Variants in RBMS1 observed in about 807,000 individuals in gnomAD.
RBMS1 encodes the protein RNA-binding motif, single-stranded-interacting protein 1.
Under a neutral mutation model 62.3 loss-of-function variants are expected in RBMS1, and 17 were observed. The ratio of observed to expected loss-of-function variants is 0.27; its 90% CI spans 0.19 to 0.41. The LOEUF (loss-of-function observed/expected upper bound fraction) is 0.41, where lower values mean the gene tolerates loss of function less well. RBMS1 is among the 10% of genes least tolerant of loss of function. The pLI, the probability that RBMS1 is intolerant of heterozygous loss-of-function variation, is 1.00. For missense variants in RBMS1, 334 were observed against 504.5 expected (o/e 0.66, Z 3.24); for synonymous variants, 172 against 170.0 (o/e 1.01, Z -0.09).
intron 1 of RBMS1, among the ~76,000 whole-genome samples, chr2:160,489,518 G>A (rs1419549017): frequency 6.6e-6 from 1 of 152,108 alleles, no homozygotes; most frequent in Admixed American, 6.5e-5. Flanking sequence ...AAGTAAGTAA[G>A]AGTTAAGGAA....
intron 10 of RBMS1, 87 bp from the exon 11 acceptor site, chr2:160,278,745 AGTTT>A (rs1687961851): frequency 3.8e-6 from 3 of 795,314 alleles, no homozygotes; most frequent in Non-Finnish European, 6.0e-6. Flanking sequence ...GAAATACCTT[AGTTT>A]GTTTAAGAAT....
intron 4 of RBMS1, among the ~76,000 whole-genome samples, chr2:160,311,827 T>A (rs1387684204): frequency 6.6e-6 from 1 of 152,206 alleles, no homozygotes; most frequent in Non-Finnish European, 1.5e-5. Context: ...TTTTAAAAAA[T>A]TTAATTAATT....
intron 2 of RBMS1, among the ~76,000 whole-genome samples, chr2:160,334,560 A>C (rs1468637990): frequency 6.6e-6 from 1 of 152,176 alleles, no homozygotes; most frequent in African/African-American, 2.4e-5. Context: ...GGTCCTCAGT[A>C]ACGAGTCTGA....
intron 1 of RBMS1, among the ~76,000 whole-genome samples, chr2:160,415,368 CTG>C (rs762716319): frequency 9.2e-5 from 14 of 151,916 alleles, no homozygotes; most frequent in Admixed American, 2.6e-4. Flanking sequence ...TGTGAGCAAA[CTG>C]TGGGTAAAAG....
chr2:160,438,261 C>CTT (rs67789291), intron 1 of RBMS1, among the ~76,000 whole-genome samples: 4 of 91,004 alleles, frequency 4.4e-5, no homozygotes, highest in Non-Finnish European at 7.5e-5. Context: ...TCAATACTTT[C>CTT]TTTTTTTTTT....
intron 1 of RBMS1, among the ~76,000 whole-genome samples, chr2:160,383,266 G>C (rs573806860): frequency 3.3e-5 from 5 of 152,108 alleles, no homozygotes; most frequent in Non-Finnish European, 5.9e-5. Context: ...TGTGACGGCA[G>C]AATACCAATA....
intron 1 of RBMS1, among the ~76,000 whole-genome samples, chr2:160,392,398 A>G (rs976993591): frequency 6.6e-6 from 1 of 151,906 alleles, no homozygotes; most frequent in African/African-American, 2.4e-5. Flanking sequence ...GGCAGTGCTG[A>G]GTAATTGTGA....
At chr2:160,323,797 T>A (rs114643455) in intron 2 of RBMS1, among the ~76,000 whole-genome samples, 1 of 152,076 alleles carries the variant, frequency 6.6e-6, no homozygotes, top group African/African-American at 2.4e-5. Context: ...CATGACTATA[T>A]AATAATATGA....
intron 7 of RBMS1, among the ~76,000 whole-genome samples, chr2:160,286,347 T>G: frequency 1.4e-5 from 2 of 142,044 alleles, no homozygotes; most frequent in African/African-American, 5.3e-5. Context: ...TGAGATGGAG[T>G]CTCGCTCTGT....
chr2:160,386,822 T>C (rs1281604169), intron 1 of RBMS1, among the ~76,000 whole-genome samples: 1 of 152,232 alleles, frequency 6.6e-6, no homozygotes, highest in Non-Finnish European at 1.5e-5. Flanking sequence ...TAGAGCGGCC[T>C]GAACTAAGAC....
At chr2:160,377,770 A>G (rs1694077466) in intron 1 of RBMS1, among the ~76,000 whole-genome samples, 1 of 152,164 alleles carries the variant, frequency 6.6e-6, no homozygotes, top group South Asian at 2.1e-4. Flanking sequence ...CTTGGCTTTG[A>G]AAATGCTGAG....
chr2:160,435,440 C>G (rs887906595), intron 1 of RBMS1, among the ~76,000 whole-genome samples: 4 of 152,204 alleles, frequency 2.6e-5, no homozygotes, highest in African/African-American at 9.6e-5. Flanking sequence ...GTGACCCGAA[C>G]ATCAGTCCTC....
intron 6 of RBMS1, among the ~76,000 whole-genome samples, chr2:160,297,612 A>G (rs1689006580): frequency 1.3e-5 from 2 of 152,240 alleles, no homozygotes; most frequent in African/African-American, 4.8e-5. Flanking sequence ...CCTCAAGGTG[A>G]TGATCTGCAG....
intron 1 of RBMS1, among the ~76,000 whole-genome samples, chr2:160,492,430 G>A (rs1309977043): frequency 1.3e-5 from 2 of 152,170 alleles, no homozygotes; most frequent in Non-Finnish European, 2.9e-5. Context: ...ATGGCTACAT[G>A]TCATCAACTG....
intron 1 of RBMS1, among the ~76,000 whole-genome samples, chr2:160,383,098 G>A (rs904316405): frequency 4.6e-5 from 7 of 152,112 alleles, no homozygotes; most frequent in African/African-American, 1.2e-4. Flanking sequence ...CAATTACTAC[G>A]AACTGGGTAG....
chr2:160,348,902 G>C (rs1692331174), intron 2 of RBMS1, among the ~76,000 whole-genome samples: 1 of 152,126 alleles, frequency 6.6e-6, no homozygotes, highest in African/African-American at 2.4e-5. Context: ...CTGGAAGACA[G>C]CCCAGTTAAT....
At chr2:160,303,803 T>C (rs1689342320) in intron 4 of RBMS1, among the ~76,000 whole-genome samples, 1 of 152,178 alleles carries the variant, frequency 6.6e-6, no homozygotes, top group South Asian at 2.1e-4. Flanking sequence ...TCTCCTCCAC[T>C]GTTATTTTTA....
chr2:160,395,547 C>T (rs950262182), intron 1 of RBMS1, among the ~76,000 whole-genome samples: 1 of 151,098 alleles, frequency 6.6e-6, no homozygotes, highest in Non-Finnish European at 1.5e-5. Flanking sequence ...TGGCGTGAAC[C>T]CGGGAGGCGG....
chr2:160,287,816 A>G (rs1688481397), intron 6 of RBMS1, among the ~76,000 whole-genome samples: 2 of 151,922 alleles, frequency 1.3e-5, no homozygotes, highest in African/African-American at 4.8e-5. Flanking sequence ...ATACTTGTCC[A>G]CCCTATTTAA....
Sources: gnomAD v4.1 joint callset for allele counts (sites outside exome capture counted in the v4.1 genomes callset) on GRCh38, gnomAD v4.1.1 for gene constraint, MANE v1.5 for transcripts, NCBI Gene and HGNC (gene_info 2026-07-23, HGNC 2026-07-21) for gene names.